The following AK7 variants were observed in gnomAD, a reference collection of about 807,000 sequenced individuals.
AK7 encodes the protein adenylate kinase 7, also known as ATP-AMP transphosphorylase 7.
Under a neutral mutation model 96.6 loss-of-function variants are expected in AK7, and 78 were observed. That is an observed-to-expected ratio of 0.81 (90% CI 0.67 to 0.97). The LOEUF is 0.97. Ranked by LOEUF, AK7 falls within the 50% of genes least tolerant of loss-of-function variation. AK7 has a pLI of 0.00. For missense variants in AK7, 855 were observed against 887.9 expected, an observed-to-expected ratio of 0.96 and a Z score of 0.47; for synonymous variants, 302 against 317.2, an observed-to-expected ratio of 0.95 and a Z score of 0.51.
intron 16 of AK7, among the ~76,000 whole-genome samples, chr14:96,486,107 A>T (rs1895758879): frequency 6.6e-6 from 1 of 152,156 alleles, no homozygotes; most frequent in Admixed American, 6.5e-5. Flanking sequence ...TTATCTTGCA[A>T]GTGATAGAAA....
intron 11 of AK7, chr14:96,457,125 A>T (rs1202183757): frequency 7.5e-6 from 1 of 133,788 alleles, no homozygotes; most frequent in Non-Finnish European, 1.5e-5. Flanking sequence ...CAGTGGCACG[A>T]TTTTGGCTCA....
chr14:96,420,942 G>A lies in AK7; in HGVS notation c.609+10G>A, dbSNP rs755843866. Reference sequence around the variant, plus strand: ...CAAATTTGGAAAAAAGGTAAGTCTGGCATAGTGGAACATGGACATCATCTG... The same window carrying A: ...CAAATTTGGAAAAAAGGTAAGTCTGACATAGTGGAACATGGACATCATCTG... On this transcript the variant is annotated intron_variant, in intron 5 of 17. Transcript: ENST00000267584. 8 of 1,544,642 alleles carry A rather than the reference G, an allele frequency of 5.2e-6. No individual in the cohort carries two copies. Among genetic ancestry groups the A allele is most frequent in the Non-Finnish European group, 7.2e-6 (8 of 1,118,360 alleles).
intron 5 of AK7, among the ~76,000 whole-genome samples, chr14:96,428,268 C>A (rs1892146574): frequency 6.6e-6 from 1 of 151,490 alleles, no homozygotes; most frequent in Non-Finnish European, 1.5e-5. Flanking sequence ...CCAGCTTCAT[C>A]CATGTCCCTA....
At chr14:96,402,464 A>G (rs1418011531) in intron 2 of AK7, among the ~76,000 whole-genome samples, 1 of 152,230 alleles carries the variant, frequency 6.6e-6, no homozygotes, top group Admixed American at 6.5e-5. Flanking sequence ...ACAAGCTGGA[A>G]ACATAGATGC....
chr14:96,478,067 A>T (rs1413923677), intron 14 of AK7, among the ~76,000 whole-genome samples: 1 of 152,106 alleles, frequency 6.6e-6, no homozygotes, highest in African/African-American at 2.4e-5. Flanking sequence ...GAAAAGAGAC[A>T]ATGTGAAAAT....
chr14:96,418,088 C>T (rs1273662179), intron 4 of AK7, among the ~76,000 whole-genome samples: 5 of 151,612 alleles, frequency 3.3e-5, no homozygotes, highest in East Asian at 1.9e-4. Flanking sequence ...TTTGGGAGGC[C>T]GAGGCAGGAG....
At chr14:96,476,664 G>A (rs1895204328) in intron 14 of AK7, among the ~76,000 whole-genome samples, 1 of 152,082 alleles carries the variant, frequency 6.6e-6, no homozygotes, top group South Asian at 2.1e-4. Context: ...TAACTGTCTT[G>A]AGATACTGCA....
At chr14:96,429,297 C>T (rs1381112882) in intron 5 of AK7, among the ~76,000 whole-genome samples, 2 of 151,982 alleles carry the variant, frequency 1.3e-5, no homozygotes, top group Non-Finnish European at 2.9e-5. Context: ...TTTCTGAGGC[C>T]TCTGTTCTGT....
chr14:96,457,681 A>C (rs1894008145), intron 11 of AK7, among the ~76,000 whole-genome samples: 1 of 152,148 alleles, frequency 6.6e-6, no homozygotes, highest in East Asian at 1.9e-4. Flanking sequence ...GTATTATCAA[A>C]CTTTATTTAT....
At chr14:96,408,685 CAG>C (rs1403636102) in intron 3 of AK7, among the ~76,000 whole-genome samples, 160 bp from the exon 4 acceptor site, 8 of 152,288 alleles carry the variant, frequency 5.3e-5, no homozygotes, top group Admixed American at 2.6e-4. Flanking sequence ...AGCGAGAAAG[CAG>C]GGGGAATTTG....
intron 3 of AK7, among the ~76,000 whole-genome samples, chr14:96,405,334 C>T (rs777725429): frequency 6.6e-6 from 1 of 152,026 alleles, no homozygotes; most frequent in Non-Finnish European, 1.5e-5. Context: ...AGGCTTGTGC[C>T]ACCATACCCC....
intron 9 of AK7, among the ~76,000 whole-genome samples, chr14:96,450,224 G>A (rs560828272): frequency 1.2e-4 from 18 of 151,942 alleles, no homozygotes; most frequent in African/African-American, 3.1e-4. Flanking sequence ...TGAGACCAGC[G>A]TGACCAACCG....
chr14:96,467,626 C>T (rs188585940), intron 12 of AK7, among the ~76,000 whole-genome samples: 77 of 152,330 alleles, frequency 5.1e-4, no homozygotes, highest in Admixed American at 1.6e-3. Flanking sequence ...AGGCGTGAGC[C>T]ACCCTGCCCG....
At chr14:96,401,083 G>A (rs916564806) in intron 2 of AK7, among the ~76,000 whole-genome samples, 1 of 152,082 alleles carries the variant, frequency 6.6e-6, no homozygotes, top group African/African-American at 2.4e-5. Flanking sequence ...CATTCTCATA[G>A]CCATGTGCCT....
intron 4 of AK7, among the ~76,000 whole-genome samples, chr14:96,418,542 G>C (rs1485293518): frequency 6.9e-6 from 1 of 144,724 alleles, no homozygotes; most frequent in African/African-American, 2.5e-5. Context: ...TTTTTGAAAA[G>C]AATTTTTGCT....
At chr14:96,409,844 A>C (rs1208472207) in intron 4 of AK7, among the ~76,000 whole-genome samples, 1 of 152,216 alleles carries the variant, frequency 6.6e-6, no homozygotes, top group African/African-American at 2.4e-5. Context: ...TTTCCATTTC[A>C]GTGCTGAATC....
intron 1 of AK7, among the ~76,000 whole-genome samples, chr14:96,392,937 C>A (rs1201821458): frequency 6.6e-6 from 1 of 152,038 alleles, no homozygotes; most frequent in African/African-American, 2.4e-5. Context: ...AATTACAGGC[C>A]GAGTAAATCC....
At chr14:96,409,579 A>G (rs1464240301) in intron 4 of AK7, among the ~76,000 whole-genome samples, 1 of 152,228 alleles carries the variant, frequency 6.6e-6, no homozygotes, top group Non-Finnish European at 1.5e-5. Flanking sequence ...CTCTAAATAA[A>G]TAAAGGAAGA....
intron 14 of AK7, among the ~76,000 whole-genome samples, chr14:96,475,279 T>A (rs577650692): frequency 5.9e-5 from 9 of 152,262 alleles, no homozygotes; most frequent in African/African-American, 2.2e-4. Context: ...AATGGTGACA[T>A]AGAGAGGTCA....
Sources: allele counts gnomAD v4.1 joint callset (sites outside exome capture counted in the v4.1 genomes callset), GRCh38; gene constraint gnomAD v4.1.1; transcripts MANE v1.5; gene names NCBI Gene and HGNC (gene_info 2026-07-23, HGNC 2026-07-21).